Variants in EPHA6 observed in about 807,000 individuals in gnomAD.
EPHA6 encodes ephrin type-A receptor 6.
A neutral mutation model predicts 112.0 loss-of-function variants in EPHA6; 50 were observed. The observed-to-expected ratio is 0.45, with a 90% CI of 0.36 to 0.56. EPHA6 has a LOEUF of 0.56. Ranked by LOEUF, EPHA6 falls within the 20% of genes least tolerant of loss-of-function variation. EPHA6 has a pLI of 0.00. For missense variants in EPHA6, 1,280 were observed against 1,417.4 expected, an observed-to-expected ratio of 0.90 and a Z score of 1.56; for synonymous variants, 529 against 490.7, an observed-to-expected ratio of 1.08 and a Z score of -1.03.
At chr3:96,912,915 C>G (rs950139444) in intron 2 of EPHA6, among the ~76,000 whole-genome samples, 2 of 152,038 alleles carry the variant, frequency 1.3e-5, no homozygotes, top group Non-Finnish European at 2.9e-5. Context: ...TTCTCAAGTC[C>G]ATAAGCAAGA....
At chr3:96,846,345 A>G (rs1431622455) in intron 1 of EPHA6, among the ~76,000 whole-genome samples, 2 of 152,110 alleles carry the variant, frequency 1.3e-5, no homozygotes, top group Non-Finnish European at 2.9e-5. Context: ...GATAAAATGT[A>G]TGAAACATGC....
rs534561530 is a variant in EPHA6, at chr3:97,370,874, GT to G, written c.1607-34271del. 4.1e-4 allele frequency among the ~76,000 whole-genome samples: 62 copies of G among 152,214 alleles called. 1 individual carries two copies. The South Asian group carries it at 0.01, about 25-fold the overall frequency. On this transcript the variant is annotated intron_variant, in intron 5 of 17. Coordinates refer to ENST00000389672, the MANE Select transcript of EPHA6 (RefSeq NM_001080448.3). ...CAAAGAGGTGGGAATAAGATTAAGA[GT>G]TTTTGCAGGATGATGTAGCTAATGA...
At chr3:97,107,199 A>G (rs73848556) in intron 3 of EPHA6, among the ~76,000 whole-genome samples, 3,036 of 152,258 alleles carry the variant, frequency 0.02, 129 homozygotes, top group African/African-American at 0.068. Flanking sequence ...AATTTACATT[A>G]CAAAAGTGAT....
intron 2 of EPHA6, among the ~76,000 whole-genome samples, chr3:96,874,383 G>T (rs2036825021): frequency 6.6e-6 from 1 of 151,992 alleles, no homozygotes; most frequent in Non-Finnish European, 1.5e-5. Flanking sequence ...TATTCCTTTA[G>T]TGTGTCTCTT....
intron 6 of EPHA6, among the ~76,000 whole-genome samples, chr3:97,417,107 T>A (rs73851242): frequency 6.6e-6 from 1 of 152,214 alleles, no homozygotes; most frequent in African/African-American, 2.4e-5. Flanking sequence ...ATGTCCTTGA[T>A]GAAATGTATT....
At chr3:97,304,277 T>C (rs1050982493) in intron 5 of EPHA6, among the ~76,000 whole-genome samples, 1 of 151,980 alleles carries the variant, frequency 6.6e-6, no homozygotes, top group African/African-American at 2.4e-5. Context: ...CTTCCAATAC[T>C]ATATTGAATA....
In EPHA6 at chr3:97,753,464, C is replaced by T. The variant is rs892550689; in HGVS notation, c.*4763C>T. On this transcript the variant is annotated 3_prime_UTR_variant, in exon 18 of 18. Transcript: ENST00000389672. Reference sequence around the variant, plus strand: ...CCGAAACACTCCATAACCCCTCTGGCGGAGGGGAAGCATACTTCCTGGGTT... The same window carrying T: ...CCGAAACACTCCATAACCCCTCTGGTGGAGGGGAAGCATACTTCCTGGGTT... 5.9e-5 allele frequency among the ~76,000 whole-genome samples: 9 copies of T among 152,076 alleles called. No individual in the cohort carries two copies. The highest frequency in any genetic ancestry group is 7.4e-5 in the Non-Finnish European group (5 of 67,992).
At chr3:97,489,033 T>TAGC (rs2091768094) in intron 10 of EPHA6, among the ~76,000 whole-genome samples, 1 of 152,234 alleles carries the variant, frequency 6.6e-6, no homozygotes, top group East Asian at 1.9e-4. Flanking sequence ...TTCTGTAAAC[T>TAGC]TTAACAATTT....
At chr3:96,968,941 C>G (rs1286360974) in intron 2 of EPHA6, among the ~76,000 whole-genome samples, 1 of 151,802 alleles carries the variant, frequency 6.6e-6, no homozygotes, top group Admixed American at 6.6e-5. Context: ...TGCACCAAAT[C>G]TACATAAATG....
intron 5 of EPHA6, among the ~76,000 whole-genome samples, chr3:97,344,979 G>A (rs988900023): frequency 6.6e-5 from 10 of 152,056 alleles, no homozygotes; most frequent in African/African-American, 2.2e-4. Context: ...TAACTTTGTA[G>A]TAAATGTGGG....
chr3:97,316,247 G>A (rs924826863), intron 5 of EPHA6, among the ~76,000 whole-genome samples: 3 of 151,678 alleles, frequency 2.0e-5, no homozygotes, highest in Non-Finnish European at 2.9e-5. Flanking sequence ...CACAATAATT[G>A]GACCAAAATC....
intron 16 of EPHA6, among the ~76,000 whole-genome samples, chr3:97,739,071 C>A (rs1431356523): frequency 6.6e-6 from 1 of 152,002 alleles, no homozygotes; most frequent in Admixed American, 6.6e-5. Flanking sequence ...CTAAAGAATG[C>A]CTGTTTTATG....
intron 6 of EPHA6, among the ~76,000 whole-genome samples, chr3:97,409,170 G>A (rs962180816): frequency 1.3e-5 from 2 of 152,048 alleles, no homozygotes; most frequent in African/African-American, 2.4e-5. Flanking sequence ...CTGTTCATAA[G>A]AAAGACCTAT....
chr3:97,649,383 C>A (rs546751370), intron 14 of EPHA6, among the ~76,000 whole-genome samples: 5 of 152,066 alleles, frequency 3.3e-5, no homozygotes, highest in Non-Finnish European at 4.4e-5. Flanking sequence ...GGGATTATTA[C>A]AACTCAGGGT....
chr3:97,479,921 TCTC>T lies in EPHA6; in HGVS notation c.2074+564_2074+566del, dbSNP rs556346040. ...ATAGCTGGTTTGATAACTGACAACT[TCTC>T]CTCCTCAACATCCACCTCCACCTCC... On this transcript the variant is annotated intron_variant, in intron 9 of 17. Transcript: ENST00000389672. 2.5e-4 allele frequency among the ~76,000 whole-genome samples: 38 copies of T among 152,142 alleles called. No individual in the cohort carries two copies. In the South Asian group the frequency reaches 3.7e-3, roughly 15 times the overall value.
chr3:97,132,559 C>T (rs2075659709), intron 3 of EPHA6, among the ~76,000 whole-genome samples: 2 of 151,950 alleles, frequency 1.3e-5, no homozygotes, highest in South Asian at 2.1e-4. Flanking sequence ...AGCTGTTTTC[C>T]AGATGCTTGT....
chr3:97,351,813 G>A (rs919928982), intron 5 of EPHA6, among the ~76,000 whole-genome samples: 4 of 152,034 alleles, frequency 2.6e-5, no homozygotes, highest in African/African-American at 9.7e-5. Context: ...TTGGGGATGT[G>A]GAGAGTATAG....
In EPHA6 at chr3:97,133,516, G is replaced by C. The variant is rs191903242; in HGVS notation, c.1115-92748G>C. Among the ~76,000 whole-genome samples, 527 of 151,992 alleles carry C rather than the reference G, an allele frequency of 3.5e-3. 4 individuals carry two copies. Among genetic ancestry groups the C allele is most frequent in the Non-Finnish European group, 5.0e-3 (336 of 67,864 alleles). ...ACAAACATTTAGAATGACTCTAGAG[G>C]CTATAAAAGCTTACTTTCAAGTGCT... On this transcript the variant is annotated intron_variant, in intron 3 of 17. Transcript: ENST00000389672.
At chr3:96,966,215 G>A (rs1267856235) in intron 2 of EPHA6, among the ~76,000 whole-genome samples, 1 of 151,972 alleles carries the variant, frequency 6.6e-6, no homozygotes, top group African/African-American at 2.4e-5. Flanking sequence ...ATAAAACTGG[G>A]GGAAATTGTT....
Sources: gnomAD v4.1 joint callset for allele counts (sites outside exome capture counted in the v4.1 genomes callset) on GRCh38, gnomAD v4.1.1 for gene constraint, MANE v1.5 for transcripts, NCBI Gene and HGNC (gene_info 2026-07-23, HGNC 2026-07-21) for gene names.